The following SHANK2 variants were observed in gnomAD, a reference collection of about 807,000 sequenced individuals.
SHANK2 encodes SH3 and multiple ankyrin repeat domains 2.
SHANK2 carries 43 observed loss-of-function variants against 133.7 expected under a neutral mutation model. The observed-to-expected ratio is 0.32, with a 90% CI of 0.25 to 0.41. The LOEUF (loss-of-function observed/expected upper bound fraction) is 0.41, where lower values mean the gene tolerates loss of function less well. SHANK2 is among the 10% of genes least tolerant of loss of function. SHANK2 has a pLI of 1.00. For synonymous variants in SHANK2, 1,017 were observed against 952.8 expected, an observed-to-expected ratio of 1.07 and a Z score of -1.24; for missense variants, 1,994 against 2,235.8, an observed-to-expected ratio of 0.89 and a Z score of 2.18.
chr11:70,661,955 G>A, intron 15 of SHANK2: 2 of 729,156 alleles, frequency 2.7e-6, no homozygotes, highest in Non-Finnish European at 4.7e-6. Flanking sequence ...ATGGTGGGGC[G>A]GCTGCCTGAG....
At chr11:71,232,618 G>T (rs892441573) in intron 1 of SHANK2, among the ~76,000 whole-genome samples, 1 of 151,672 alleles carries the variant, frequency 6.6e-6, no homozygotes, top group South Asian at 2.1e-4. Context: ...CCTTTACTAC[G>T]ATCCACTTCC....
At chr11:70,544,030 C>G (rs527388445) in intron 17 of SHANK2, among the ~76,000 whole-genome samples, 2 of 152,204 alleles carry the variant, frequency 1.3e-5, no homozygotes, top group Non-Finnish European at 1.5e-5. Flanking sequence ...TATAGCCTCA[C>G]AGTCCCCCCA....
intron 17 of SHANK2, among the ~76,000 whole-genome samples, chr11:70,616,876 T>A (rs1554996113): frequency 6.6e-6 from 1 of 152,036 alleles, no homozygotes; most frequent in African/African-American, 2.4e-5. Context: ...AGATGACAAA[T>A]GCCCCGCAAA....
rs371310498 is a variant in SHANK2 at position 71,252,157 on chromosome 11, A to G, written c.-113+268T>C. On this transcript the variant is annotated intron_variant, in intron 1 of 25. Coordinates refer to ENST00000601538, the MANE Select transcript of SHANK2 (RefSeq NM_012309.5). This position sits in a 1 kb window ranked among gnomAD's most constrained non-coding sequence, Gnocchi z 6.3. ...CGCTCTGCCCCCACGCCGCTTCCAA[A>G]GCTTTCGACACCGGCCCCTGCCCGG... 7.9e-5 allele frequency among the ~76,000 whole-genome samples: 12 copies of G among 152,112 alleles called. No homozygotes were observed. In the East Asian group the frequency reaches 2.3e-3, roughly 30 times the overall value.
intron 15 of SHANK2, chr11:70,667,793 A>G (rs1555015148): frequency 6.6e-6 from 1 of 152,250 alleles, no homozygotes; most frequent in Non-Finnish European, 1.5e-5. Flanking sequence ...GTGCCTCCCC[A>G]CACATGGGGT....
At chr11:71,120,108 G>A (rs1952056039) in intron 3 of SHANK2, among the ~76,000 whole-genome samples, 2 of 152,066 alleles carry the variant, frequency 1.3e-5, no homozygotes, top group South Asian at 4.2e-4. Flanking sequence ...GTGTCAACAG[G>A]GCCTGCAAAC....
At chr11:71,196,997 CAA>C (rs71467429) in intron 2 of SHANK2, among the ~76,000 whole-genome samples, 2,899 of 81,920 alleles carry the variant, frequency 0.035, 25 homozygotes, top group Non-Finnish European at 0.054. Context: ...GACTCTGTCT[CAA>C]AAAAAAAAAA....
chr11:70,811,989 C>A (rs114124782), intron 12 of SHANK2, among the ~76,000 whole-genome samples: 4,812 of 152,308 alleles, frequency 0.032, 255 homozygotes, highest in African/African-American at 0.11. Flanking sequence ...GCCTCAACCT[C>A]CCCATCAAAA....
chr11:70,788,883 G>A (rs1208061108), intron 14 of SHANK2, among the ~76,000 whole-genome samples: 1 of 152,206 alleles, frequency 6.6e-6, no homozygotes, highest in Non-Finnish European at 1.5e-5. Context: ...TTTCTGGGAG[G>A]AGGAAACACA....
chr11:70,896,006 T>C (rs1555075629), intron 11 of SHANK2, among the ~76,000 whole-genome samples: 1 of 152,072 alleles, frequency 6.6e-6, no homozygotes, highest in Non-Finnish European at 1.5e-5. Context: ...ACAGTGTCAC[T>C]CGAAGTCCAT....
chr11:70,517,225 G>A (rs1305499162), intron 17 of SHANK2, among the ~76,000 whole-genome samples: 3 of 152,170 alleles, frequency 2.0e-5, no homozygotes, highest in African/African-American at 7.2e-5. Flanking sequence ...AGCAAATGCC[G>A]GCGAGGATGT....
intron 24 of SHANK2, among the ~76,000 whole-genome samples, chr11:70,488,720 G>A (rs1230371839): frequency 6.6e-6 from 1 of 152,270 alleles, no homozygotes; most frequent in Non-Finnish European, 1.5e-5. Flanking sequence ...AGCAGGGGCT[G>A]AGAGCCCAGT....
chr11:70,485,249 C>T lies in SHANK2; in HGVS notation c.4979+65G>A. On this transcript the variant is annotated intron_variant, in intron 25 of 25. Coordinates refer to ENST00000601538, the MANE Select transcript of SHANK2 (RefSeq NM_012309.5). This position sits in a 1 kb window ranked among gnomAD's most constrained non-coding sequence, Gnocchi z 5.8. ...GTCCGCTGGGGCTGCTACCCGAGGG[C>T]CTTTCCTGGTCAGCAGGGACAGTGC... 1 of 1,412,552 alleles carries T rather than the reference C, an allele frequency of 7.1e-7. No homozygotes were observed. Among genetic ancestry groups the T allele is most frequent in the Non-Finnish European group, 1.0e-6 (1 of 1,002,792 alleles). 87.5% of individuals were successfully genotyped at this position (1,412,552 alleles called of 1,614,324 possible).
intron 14 of SHANK2, among the ~76,000 whole-genome samples, chr11:70,707,045 T>C (rs559311347): frequency 2.6e-5 from 4 of 151,904 alleles, no homozygotes; most frequent in Admixed American, 6.6e-5. Context: ...TCTTTAAGGA[T>C]GGGTTGGGAG....
chr11:70,619,174 T>C (rs1420769746), intron 17 of SHANK2, among the ~76,000 whole-genome samples: 1 of 152,190 alleles, frequency 6.6e-6, no homozygotes, highest in Non-Finnish European at 1.5e-5. Flanking sequence ...GTTAGATTCT[T>C]ATTGCTCGCT....
intron 11 of SHANK2, among the ~76,000 whole-genome samples, chr11:70,893,370 G>A (rs1467082552): frequency 2.0e-5 from 3 of 152,248 alleles, no homozygotes; most frequent in African/African-American, 7.2e-5. Flanking sequence ...GAGGGGCGAT[G>A]CAAAGTGGGG....
At chr11:71,228,917 T>G (rs1555122598) in intron 1 of SHANK2, among the ~76,000 whole-genome samples, 1 of 152,212 alleles carries the variant, frequency 6.6e-6, no homozygotes, top group Non-Finnish European at 1.5e-5. Context: ...ATGGCATTTA[T>G]TCTAGGGATG....
intron 2 of SHANK2, among the ~76,000 whole-genome samples, chr11:71,176,672 A>T (rs996189821): frequency 3.6e-4 from 55 of 152,194 alleles, no homozygotes; most frequent in African/African-American, 1.3e-3. Context: ...CACAAAGAAA[A>T]TAATAATAAC....
intron 17 of SHANK2, among the ~76,000 whole-genome samples, chr11:70,545,475 C>T (rs1157818705): frequency 6.6e-6 from 1 of 152,182 alleles, no homozygotes; most frequent in Non-Finnish European, 1.5e-5. Flanking sequence ...CCCACCTCAG[C>T]GCCCACTGCA....
Sources: allele counts gnomAD v4.1 joint callset (sites outside exome capture counted in the v4.1 genomes callset), GRCh38; gene constraint gnomAD v4.1.1; non-coding constraint Gnocchi (gnomAD v3.1); transcripts MANE v1.5; gene names NCBI Gene and HGNC (gene_info 2026-07-23, HGNC 2026-07-21).